KIF1A: variants seen among roughly 807,000 people sequenced by gnomAD.
The protein encoded by KIF1A is kinesin family member 1A, also known as kinesin-like protein KIF1A.
Under a neutral mutation model 227.3 loss-of-function variants are expected in KIF1A, and 46 were observed. That is an observed-to-expected ratio of 0.20 (90% CI 0.16 to 0.26). The LOEUF (loss-of-function observed/expected upper bound fraction) is 0.26. Among genes scored for constraint, KIF1A ranks in the 10% least tolerant of loss-of-function variants. The pLI, the probability that KIF1A is intolerant of heterozygous loss-of-function variation, is 1.00. For synonymous variants in KIF1A, 1,022 were observed against 1,012.8 expected (o/e 1.01, Z -0.17); for missense variants, 1,683 against 2,485.9 (o/e 0.68, Z 6.87).
chr2:240,769,291 C>G, intron 16 of KIF1A, 83 bp from the exon 17 acceptor site: 2 of 1,285,832 alleles, frequency 1.6e-6, no homozygotes, highest in East Asian at 2.5e-5. Context: ...ATGGGGGCAG[C>G]GGGCCTGTGG....
chr2:240,769,169 C>T lies in KIF1A; in HGVS notation c.1461G>A (p.Glu487=). The part of the protein sequence containing the change: ...LLAEMGVAMR[E]DGGTLGVFSP... ...AGAATACGCCCAAGGTGCCGCCATCCTCCCTCATGGCCACACCCATCTCGG... is the reference window on the plus strand; with the variant it reads ...AGAATACGCCCAAGGTGCCGCCATCTTCCCTCATGGCCACACCCATCTCGG... Residue 487 remains glutamate, a synonymous_variant, in exon 17 of 49, where the codon GAG becomes GAA. Coordinates refer to ENST00000498729, the MANE Select transcript of KIF1A (RefSeq NM_001244008.2). 6.2e-7 allele frequency: 1 copy of T among 1,611,208 alleles called. No individual in the cohort carries two copies. The highest frequency in any genetic ancestry group is 1.1e-5 in the South Asian group (1 of 90,376).
intron 4 of KIF1A, among the ~76,000 whole-genome samples, chr2:240,787,841 C>G (rs552044563): frequency 1.1e-4 from 17 of 152,322 alleles, no homozygotes; most frequent in Admixed American, 4.6e-4. Context: ...AAGGCCAGGG[C>G]CCTTCCTGCA....
rs112108214 is a variant in KIF1A, at chr2:240,786,799, G to T, written c.430-286C>A. On this transcript the variant is annotated intron_variant, in intron 5 of 48. Transcript: ENST00000498729. ...CAGGACCCCTGAGTGAGGGGGTGGG[G>T]GCTGCCATCAGGACCCCTGAGTGAG... 2.5e-4 allele frequency among the ~76,000 whole-genome samples: 33 copies of T among 131,894 alleles called. 3 individuals are homozygous for T. The highest frequency in any genetic ancestry group is 8.6e-4 in the African/African-American group (30 of 35,000). 86.5% of individuals were successfully genotyped at this position (131,894 alleles called of 152,430 possible). A position where few individuals can be genotyped will look rare whatever the true frequency, so the allele number is the denominator to read the frequency against.
chr2:240,758,226 A>C lies in KIF1A; in HGVS notation c.2582+134T>G. On this transcript the variant is annotated intron_variant, in intron 26 of 48. Transcript: ENST00000498729. This position sits in a 1 kb window ranked among gnomAD's most constrained non-coding sequence, Gnocchi z 5.2. ...GGAGGAACCTCAGGCCAGGGAGGAC[A>C]GGGCTGGGAATATGGGGCTGGAAAA... is the stretch of plus-strand genomic sequence containing the variant. 1 of 980,278 alleles carries C rather than the reference A, an allele frequency of 1.0e-6. No homozygotes were observed. Among genetic ancestry groups the C allele is most frequent in the Non-Finnish European group, 1.4e-6 (1 of 689,674 alleles). The allele number at this position is 980,278 out of a possible 1,614,324, so 60.7% of individuals were successfully genotyped here.
Position 240,786,456 on chromosome 2 carries a change from T to G in KIF1A, c.487A>C (p.Lys163Gln). ...TGCTCCCTCACGCGAAGGTTGCCCT[T>G]GTTCTTGGGGTTCAGGAGGTCACGG... is the stretch of plus-strand genomic sequence containing the variant. ...RVRDLLNPKN[K>Q]GNLRVREHPL... Residue 163 changes from lysine to glutamine, a missense_variant, in exon 6 of 49, where the codon AAG (lysine) becomes CAG (glutamine). Transcript: ENST00000498729. 6.2e-7 allele frequency: 1 copy of G among 1,613,580 alleles called. No individual in the cohort carries two copies. Among genetic ancestry groups the G allele is most frequent in the Non-Finnish European group, 8.5e-7 (1 of 1,179,762 alleles).
chr2:240,724,195 CT>C (rs1199928831), intron 40 of KIF1A, 159 bp from the exon 41 acceptor site: 5 of 687,910 alleles, frequency 7.3e-6, no homozygotes, highest in Non-Finnish European at 1.3e-5. Context: ...GTTCAGAGTC[CT>C]CATCCCAGAC....
At position 240,746,153 on chromosome 2, in the gene KIF1A, C is replaced by T; in HGVS notation, c.3088G>A (p.Val1030Met). The T allele has an allele frequency of 6.4e-7, 1 of 1,566,470 alleles. No homozygotes were observed. Among genetic ancestry groups the T allele is most frequent in the East Asian group, 2.4e-5 (1 of 42,074 alleles). ...EKFQSESCPVVGMSRSGTSQE... is the reference protein window; with the variant it reads ...EKFQSESCPVMGMSRSGTSQE... ...GAGGTTCCCGAGCGGGACATCCCCA[C>T]CACGGGGCAAGACTCGGACTGGAAC... Residue 1030 changes from valine to methionine, a missense_variant, in exon 30 of 49, where the codon GTG becomes ATG. Val to Met is a conservative substitution (Grantham distance 21, BLOSUM62 1). Transcript: ENST00000498729.
At position 240,767,295 on chromosome 2, in the gene KIF1A, C is replaced by T. The variant is rs1292538603; in HGVS notation, c.1548G>A (p.Leu516=). 9 of 1,613,686 alleles carry T rather than the reference C, an allele frequency of 5.6e-6. No homozygotes were observed. Among genetic ancestry groups the T allele is most frequent in the Non-Finnish European group, 5.1e-6 (6 of 1,179,882 alleles). The change falls in exon 18 of 49, where the codon CTG becomes CTA. Residue 516 remains leucine, a synonymous_variant. Coordinates refer to ENST00000498729, the MANE Select transcript of KIF1A (RefSeq NM_001244008.2). ...TGATCCCATCCTTGATGTAGTAGAG[C>T]AGGCACTCAGACATCAGCGGGTCCT... ...LNEDPLMSEC[L]LYYIKDGITR...
Position 240,720,993 on chromosome 2 carries a change from G to C in KIF1A, c.4789C>G (p.Pro1597Ala). The C allele has an allele frequency of 6.2e-7, 1 of 1,610,514 alleles. No individual in the cohort carries two copies. The highest frequency in any genetic ancestry group is 8.5e-7 in the Non-Finnish European group (1 of 1,178,954). The change falls in exon 45 of 49, where the codon CCT becomes GCT. Residue 1597 changes from proline (P) to alanine (A), a missense_variant. Physicochemically the swap from Pro to Ala is conservative, Grantham distance 27. Transcript: ENST00000498729. ...VTLLRDPSMS[P>A]LGVATLTPSS... ...GGGGTGAGAGTGGCCACCCCTAGAG[G>C]GGACATCGACGGGTCCCGGAGCAGG...
chr2:240,788,428 G>C lies in KIF1A; in HGVS notation c.184-198C>G, dbSNP rs1272323710. Reference sequence around the variant, plus strand: ...AGAAGCCCTCTGTGTCACAGATGCGGGATGAAGAGCGGCCAGCCAGGCAGG... The same window carrying C: ...AGAAGCCCTCTGTGTCACAGATGCGCGATGAAGAGCGGCCAGCCAGGCAGG... On this transcript the variant is annotated intron_variant, in intron 3 of 48. Coordinates refer to ENST00000498729, the MANE Select transcript of KIF1A (RefSeq NM_001244008.2). This position sits in a 1 kb window ranked among gnomAD's most constrained non-coding sequence, Gnocchi z 6.6. 6.6e-6 allele frequency among the ~76,000 whole-genome samples: 1 copy of C among 152,190 alleles called. No individual in the cohort carries two copies. Among genetic ancestry groups the C allele is most frequent in the African/African-American group, 2.4e-5 (1 of 41,440 alleles).
intron 2 of KIF1A, among the ~76,000 whole-genome samples, chr2:240,795,754 C>T (rs971243322): frequency 1.3e-5 from 2 of 152,208 alleles, no homozygotes; most frequent in African/African-American, 4.8e-5. Flanking sequence ...CCCACCCTGG[C>T]CGTCACTTCT....
At chr2:240,753,638 C>T (rs1334906729) in intron 27 of KIF1A, among the ~76,000 whole-genome samples, 1 of 152,176 alleles carries the variant, frequency 6.6e-6, no homozygotes, top group Non-Finnish European at 1.5e-5. Context: ...CACACAGGGC[C>T]TTTTGCTCTT....
chr2:240,765,632 G>A (rs974023331), intron 20 of KIF1A, 78 bp downstream of exon 20: 124 of 1,142,336 alleles, frequency 1.1e-4, no homozygotes, highest in East Asian at 7.6e-4. Flanking sequence ...CACAGGAGGC[G>A]GTGGCTTGGA....
At chr2:240,773,755 T>G (rs2052336710) in intron 12 of KIF1A, among the ~76,000 whole-genome samples, 1 of 152,184 alleles carries the variant, frequency 6.6e-6, no homozygotes, top group South Asian at 2.1e-4. Context: ...GAGAGACCAC[T>G]GACCCAAACA....
chr2:240,760,960 C>T, intron 24 of KIF1A, 117 bp from the exon 25 acceptor site: 3 of 1,099,750 alleles, frequency 2.7e-6, no homozygotes, highest in Non-Finnish European at 3.9e-6. Context: ...CAATGGTTCA[C>T]TGGAACCTTT....
chr2:240,732,136 G>GGGAGGAGGAAGAGGGGAGGAGT (rs2046749735), intron 38 of KIF1A, among the ~76,000 whole-genome samples: 1 of 91,100 alleles, frequency 1.1e-5, no homozygotes, highest in Non-Finnish European at 2.3e-5. Flanking sequence ...AGGGGAGGAG[G>GGGAGGAGGAAGAGGGGAGGAGT]GGATGAGGGA....
intron 4 of KIF1A, 64 bp downstream of exon 4, chr2:240,787,987 T>A (rs1282452434): frequency 6.8e-7 from 1 of 1,469,604 alleles, no homozygotes; most frequent in Non-Finnish European, 9.2e-7. Context: ...GGCCCGGAGC[T>A]CTCAGCCTCA....
intron 23 of KIF1A, among the ~76,000 whole-genome samples, 200 bp from the exon 24 acceptor site, chr2:240,761,577 G>A (rs2050535624): frequency 6.6e-6 from 1 of 152,200 alleles, no homozygotes; most frequent in Admixed American, 6.5e-5. Flanking sequence ...GGTCACTGAG[G>A]CCAGAGGTGG....
rs1446224406 is a variant in KIF1A, at chr2:240,721,800, C to T, written c.4743+7G>A. The stretch of plus-strand genomic sequence containing the variant: ...GGGGCAGCCTGGTGCAGCCCCTCTG[C>T]ACCCACCTTGCTCTCGCTGGCACTG... On this transcript the variant is annotated splice_region_variant and intron_variant, in intron 44 of 48. Coordinates refer to ENST00000498729, the MANE Select transcript of KIF1A (RefSeq NM_001244008.2). 6.2e-7 allele frequency: 1 copy of T among 1,600,798 alleles called. No homozygotes were observed. The highest frequency in any genetic ancestry group is 1.1e-5 in the South Asian group (1 of 89,582).
Sources: gnomAD v4.1 joint callset for allele counts (sites outside exome capture counted in the v4.1 genomes callset) on GRCh38, gnomAD v4.1.1 for gene constraint, Gnocchi (gnomAD v3.1) non-coding constraint, MANE v1.5 for transcripts, NCBI Gene and HGNC (gene_info 2026-07-23, HGNC 2026-07-21) for gene names.